The following LPCAT4 variants were observed in gnomAD, a reference collection of about 807,000 sequenced individuals.
LPCAT4 encodes the protein lysophospholipid acyltransferase LPCAT4.
Under a neutral mutation model 66.5 loss-of-function variants are expected in LPCAT4, and 30 were observed. The observed-to-expected ratio is 0.45, with a 90% CI of 0.34 to 0.61. The LOEUF (loss-of-function observed/expected upper bound fraction) is 0.61, where lower values mean the gene tolerates loss of function less well. Among genes scored for constraint, LPCAT4 ranks in the 20% least tolerant of loss-of-function variants. The pLI, the probability that LPCAT4 is intolerant of heterozygous loss-of-function variation, is 0.01. For missense variants in LPCAT4, 557 were observed against 656.7 expected (o/e 0.85, Z 1.66); for synonymous variants, 253 against 262.1 (o/e 0.97, Z 0.34).
intron 12 of LPCAT4, 157 bp from the exon 13 acceptor site, chr15:34,359,902 T>A: frequency 1.2e-6 from 1 of 857,878 alleles, no homozygotes; most frequent in Non-Finnish European, 1.8e-6. Flanking sequence ...GTAGACTTTA[T>A]AGCTTTTTCC....
intron 3 of LPCAT4, 105 bp from the exon 4 acceptor site, chr15:34,364,411 C>CTTTT (rs60508631): frequency 0.016 from 9,154 of 555,724 alleles, 14 homozygotes; most frequent in South Asian, 0.026. Context: ...TCTGTTATCT[C>CTTTT]TTTTTTTTTT....
intron 7 of LPCAT4, 114 bp from the exon 8 acceptor site, chr15:34,362,950 C>T: frequency 9.8e-7 from 1 of 1,020,002 alleles, no homozygotes; most frequent in Non-Finnish European, 1.5e-6. Flanking sequence ...AAGTTCTGCC[C>T]ATTGATAATA....
At chr15:34,362,730 G>T in intron 8 of LPCAT4, 52 bp downstream of exon 8, 1 of 1,612,302 alleles carries the variant, frequency 6.2e-7, no homozygotes, top group South Asian at 1.1e-5. Context: ...CTTTTCCCAA[G>T]GTTTCAGGAG....
At chr15:34,365,965 T>A (rs1891067037) in intron 1 of LPCAT4, 1 of 427,054 alleles carries the variant, frequency 2.3e-6, no homozygotes, top group South Asian at 3.4e-5. Flanking sequence ...CCGAAAGCCA[T>A]AAAAAGCATC....
chr15:34,359,782 T>C (rs34997758), intron 12 of LPCAT4, 37 bp from the exon 13 acceptor site: 188,601 of 1,572,692 alleles, frequency 0.12, 12,148 homozygotes, highest in Middle Eastern at 0.19. Context: ...AGTTCTCTCC[T>C]CATGCCATGG....
In LPCAT4 at chr15:34,363,562, C is replaced by A; in HGVS notation, c.711+99G>T. 1 of 1,594,912 alleles carries A rather than the reference C, an allele frequency of 6.3e-7. No individual in the cohort carries two copies. ...CTGATCCCACCTCTGGTCACAGCCC[C>A]CAATGCACATCCCATTAAAGCACCA... On this transcript the variant is annotated intron_variant, in intron 6 of 13. Coordinates refer to ENST00000314891, the MANE Select transcript of LPCAT4 (RefSeq NM_153613.3). The surrounding 1 kb of genome is among the most constrained non-coding windows in gnomAD (Gnocchi z 4.3).
intron 13 of LPCAT4, 48 bp downstream of exon 13, chr15:34,359,541 T>C (rs760226453): frequency 1.3e-6 from 2 of 1,591,342 alleles, no homozygotes; most frequent in Admixed American, 3.4e-5. Context: ...TCCTGGATGC[T>C]GATGGTGCCC....
rs186114282 is a variant in LPCAT4, at chr15:34,362,855, C to T, written c.747-19G>A. The stretch of plus-strand genomic sequence containing the variant: ...TTTGAGTCTAAGAGAAGAGAGATTT[C>T]GATACTCACCAATCTCTAACTATGG... On this transcript the variant is annotated intron_variant, in intron 7 of 13. Coordinates refer to ENST00000314891, the MANE Select transcript of LPCAT4 (RefSeq NM_153613.3). The T allele has an allele frequency of 1.9e-4, 309 of 1,612,760 alleles. 2 individuals are homozygous for T. The East Asian group carries it at 4.4e-3, about 23-fold the overall frequency.
rs1344917970 is a variant in LPCAT4 at position 34,363,070 on chromosome 15, G to A, written c.747-234C>T. On this transcript the variant is annotated intron_variant, in intron 7 of 13. Coordinates refer to ENST00000314891, the MANE Select transcript of LPCAT4 (RefSeq NM_153613.3). The surrounding 1 kb of genome is among the most constrained non-coding windows in gnomAD (Gnocchi z 4.3). ...AGAGCAGAGCTGCATGGATATGCCA[G>A]AGGAAGAACTGTAGGCAAGAGGAGG... Among the ~76,000 whole-genome samples, 1 of 152,170 alleles carries A rather than the reference G, an allele frequency of 6.6e-6. No individual in the cohort carries two copies. The highest frequency in any genetic ancestry group is 1.9e-4 in the East Asian group (1 of 5,202).
In LPCAT4 at chr15:34,362,507, C is replaced by T. The variant is rs549565562; in HGVS notation, c.884+66G>A. ...GATCTTTGCCTGAAAACCTCGCCCC[C>T]TCCACGCCCCTGTGGTTCCTTTGCC... is the stretch of plus-strand genomic sequence containing the variant. On this transcript the variant is annotated intron_variant, in intron 9 of 13. Transcript: ENST00000314891. 12 of 1,483,042 alleles carry T rather than the reference C, an allele frequency of 8.1e-6. No individual in the cohort carries two copies. The Admixed American group carries it at 1.7e-4, about 21-fold the overall frequency. The allele number at this position is 1,483,042 out of a possible 1,614,324, so 91.9% of individuals were successfully genotyped here. A position where few individuals can be genotyped will look rare whatever the true frequency, so the allele number is the denominator to read the frequency against.
intron 7 of LPCAT4, 141 bp from the exon 8 acceptor site, chr15:34,362,977 C>T: frequency 1.3e-6 from 1 of 791,512 alleles, no homozygotes; most frequent in South Asian, 1.5e-5. Flanking sequence ...GACTCCTAGC[C>T]ATACAGTCAG....
chr15:34,367,002 G>A lies in LPCAT4; in HGVS notation c.99C>T (p.Arg33=). The part of the protein sequence containing the change: ...NPFVHELHLS[R]LQRVKFCLLG... The stretch of plus-strand genomic sequence containing the variant: ...CACACATTACCTTAACCCTCTGGAG[G>A]CGAGAGAGATGTAACTCATGCACGA... The change falls in exon 1 of 14, where the codon CGC becomes CGT. Residue 33 remains arginine (R), a synonymous_variant. Transcript: ENST00000314891. 1 of 1,564,918 alleles carries A rather than the reference G, an allele frequency of 6.4e-7. No homozygotes were observed. Among genetic ancestry groups the A allele is most frequent in the Non-Finnish European group, 8.7e-7 (1 of 1,153,212 alleles).
At position 34,362,603 on chromosome 15, in the gene LPCAT4, T is replaced by A. The variant is rs1355239482; in HGVS notation, c.854A>T (p.Tyr285Phe). 1 of 1,565,326 alleles carries A rather than the reference T, an allele frequency of 6.4e-7. No homozygotes were observed. Among genetic ancestry groups the A allele is most frequent in the South Asian group, 1.2e-5 (1 of 82,892 alleles). The change falls in exon 9 of 14, where the codon TAT (tyrosine) becomes TTT (phenylalanine). Residue 285 changes from tyrosine to phenylalanine, a missense_variant. Coordinates refer to ENST00000314891, the MANE Select transcript of LPCAT4 (RefSeq NM_153613.3). ...SPEESRDPTL[Y>F]ANNVQRVMAQ... ...CATGACCCTCTGAACATTGTTGGCA[T>A]AGAGGGTGGGGTCCCTGCTCTCCTC...
At position 34,365,608 on chromosome 15, in the gene LPCAT4, C is replaced by T. The variant is rs757160734; in HGVS notation, c.208G>A (p.Ala70Thr). 1 of 1,614,206 alleles carries T rather than the reference C, an allele frequency of 6.2e-7. No individual in the cohort carries two copies. Among genetic ancestry groups the T allele is most frequent in the East Asian group, 2.2e-5 (1 of 44,874 alleles). ...LLWPFAWLQV[A>T]GLSEEQLQEP... is the part of the protein sequence containing the mutation. The stretch of plus-strand genomic sequence containing the variant: ...TGAAGCTGCTCCTCACTAAGACCGG[C>T]CACTTGAAGCCAGGCAAAGGGCCAG... The change falls in exon 2 of 14, where the codon GCC becomes ACC. Residue 70 changes from alanine to threonine, a missense_variant. By Grantham distance (58) the Ala-to-Thr change is moderately conservative. This residue lies in a region of LPCAT4 where 65 missense variants were observed against 83.5 expected (regional missense o/e 0.78). Transcript: ENST00000314891.
chr15:34,367,147 A>G lies in LPCAT4; in HGVS notation c.-47T>C. 2 of 1,477,466 alleles carry G rather than the reference A, an allele frequency of 1.4e-6. No homozygotes were observed. Among genetic ancestry groups the G allele is most frequent in the Admixed American group, 2.3e-5 (1 of 42,746 alleles). 91.5% of individuals were successfully genotyped at this position (1,477,466 alleles called of 1,614,324 possible). The stretch of plus-strand genomic sequence containing the variant: ...GGGCACCCCGGCCCTGGCCCCGGCC[A>G]CCACTCTGCAGAGCAGCTGCTGCTG... On this transcript the variant is annotated 5_prime_UTR_variant, in exon 1 of 14. Transcript: ENST00000314891.
intron 13 of LPCAT4, 54 bp downstream of exon 13, chr15:34,359,535 G>A: frequency 1.3e-6 from 2 of 1,584,756 alleles, no homozygotes; most frequent in East Asian, 4.5e-5. Context: ...GTGCTTTCCT[G>A]GATGCTGATG....
rs79364179 is a variant in LPCAT4 at position 34,363,119 on chromosome 15, G to A, written c.747-283C>T. 0.051 allele frequency among the ~76,000 whole-genome samples: 7,779 copies of A among 152,240 alleles called. 255 individuals carry two copies. Among genetic ancestry groups the A allele is most frequent in the Middle Eastern group, 0.13 (39 of 294 alleles). ...GGTTTGAGTAATGGAAGAAAAAGGC[G>A]AGAGGCATGCCTGATGGTGATGGTT... On this transcript the variant is annotated intron_variant, in intron 7 of 13. Coordinates refer to ENST00000314891, the MANE Select transcript of LPCAT4 (RefSeq NM_153613.3). This position sits in a 1 kb window ranked among gnomAD's most constrained non-coding sequence, Gnocchi z 4.3.
At chr15:34,361,110 CT>C (rs1890932368) in intron 11 of LPCAT4, 1 of 1,057,028 alleles carries the variant, frequency 9.5e-7, no homozygotes. Flanking sequence ...CCCAAAAGGT[CT>C]TATGATTCCC....
intron 1 of LPCAT4, among the ~76,000 whole-genome samples, chr15:34,366,672 G>T (rs890428985): frequency 1.6e-5 from 2 of 122,518 alleles, no homozygotes; most frequent in Admixed American, 1.1e-4. Context: ...CTAGCCATCA[G>T]GCTCTGCAGA....
Sources: gnomAD v4.1 joint callset for allele counts (sites outside exome capture counted in the v4.1 genomes callset) on GRCh38, gnomAD v4.1.1 for gene constraint, gnomAD v4.1.1 regional missense constraint, Gnocchi (gnomAD v3.1) non-coding constraint, MANE v1.5 for transcripts, NCBI Gene and HGNC (gene_info 2026-07-23, HGNC 2026-07-21) for gene names.